Variants in H3-7 observed in about 807,000 individuals in gnomAD.
H3-7 encodes the protein histone H3-7.
the H3-7 span, chr1:143,905,741 C>T: frequency 1.5e-5 from 23 of 1,581,702 alleles, 2 homozygotes; most frequent in Non-Finnish European, 2.0e-5. Flanking sequence ...AACTCCTGCG[C>T]GATCTCGCGT....
chr1:143,902,397 A>G, the H3-7 span, among the ~76,000 whole-genome samples: 1 of 147,232 alleles, frequency 6.8e-6, no homozygotes, highest in African/African-American at 2.5e-5. Context: ...CACATTTTAT[A>G]TCTTTTAATT....
At chr1:143,905,718 C>G in the H3-7 span, 3 of 1,582,362 alleles carry the variant, frequency 1.9e-6, 1 homozygote, top group African/African-American at 2.7e-5. Context: ...TCTGGAAGCG[C>G]AGGTCCGTCT....
chr1:143,905,909 G>T, the H3-7 span: 2 of 1,580,100 alleles, frequency 1.3e-6, no homozygotes, highest in South Asian at 2.3e-5. Flanking sequence ...GTAGCCAGCT[G>T]CTTCCTCGGG....
At chr1:143,904,289 G>A in the H3-7 span, 3 of 1,585,812 alleles carry the variant, frequency 1.9e-6, no homozygotes, top group Admixed American at 1.7e-5. Flanking sequence ...TGGCCAGCTC[G>A]CCGGGCAGCA....
chr1:143,904,329 G>A, the H3-7 span: 1 of 1,582,610 alleles, frequency 6.3e-7, no homozygotes, highest in Non-Finnish European at 8.7e-7. Flanking sequence ...GATCTCGCGG[G>A]ACGTGATGGT....
the H3-7 span, among the ~76,000 whole-genome samples, chr1:143,903,185 C>A: frequency 7.4e-6 from 1 of 134,802 alleles, no homozygotes; most frequent in Non-Finnish European, 1.6e-5. Context: ...GAGCGAGACT[C>A]CGTCTCAAAA....
At chr1:143,904,215 GCA>G in the H3-7 span, 1 of 1,545,028 alleles carries the variant, frequency 6.5e-7, no homozygotes, top group Non-Finnish European at 8.9e-7. Context: ...TGCGTCCCTT[GCA>G]CACTCTTACT....
the H3-7 span, chr1:143,904,216 C>A: frequency 6.5e-7 from 1 of 1,549,056 alleles, no homozygotes; most frequent in Admixed American, 1.7e-5. Context: ...GCGTCCCTTG[C>A]ACACTCTTAC....
chr1:143,905,672 C>T, the H3-7 span: 3 of 1,582,984 alleles, frequency 1.9e-6, no homozygotes, highest in African/African-American at 2.7e-5. Flanking sequence ...ACCAGGTAGG[C>T]CTCTCTGGCC....
the H3-7 span, chr1:143,904,367 G>T: frequency 2.5e-5 from 40 of 1,582,632 alleles, 6 homozygotes; most frequent in Non-Finnish European, 2.9e-5. Context: ...GCGCCAGGCG[G>T]GACGCCTCTC....
the H3-7 span, among the ~76,000 whole-genome samples, chr1:143,902,512 G>A: frequency 2.2e-5 from 3 of 139,184 alleles, 1 homozygote; most frequent in Non-Finnish European, 4.8e-5. Context: ...AATTTCAAAG[G>A]CTGTCAAGTT....
At chr1:143,905,604 C>A in the H3-7 span, 1 of 1,582,390 alleles carries the variant, frequency 6.3e-7, no homozygotes, top group East Asian at 2.3e-5. Context: ...TGTCCTTGGG[C>A]ATGATGGTCA....
At chr1:143,903,942 A>C in the H3-7 span, among the ~76,000 whole-genome samples, 1 of 146,762 alleles carries the variant, frequency 6.8e-6, no homozygotes, top group Non-Finnish European at 1.5e-5. Flanking sequence ...TCCCTCCCAA[A>C]TATCCCAGAA....
chr1:143,904,697 A>G, the H3-7 span: 4 of 1,371,186 alleles, frequency 2.9e-6, no homozygotes, highest in Admixed American at 7.5e-5. Flanking sequence ...CCTGTATGCA[A>G]ATGAAGACTC....
chr1:143,903,109 G>A, the H3-7 span, among the ~76,000 whole-genome samples: 6 of 140,020 alleles, frequency 4.3e-5, 1 homozygote, highest in Admixed American at 2.2e-4. Flanking sequence ...GGAGAATGGC[G>A]TGAACCCGGG....
the H3-7 span, chr1:143,905,975 A>T: frequency 1.3e-6 from 2 of 1,578,580 alleles, 1 homozygote; most frequent in South Asian, 2.3e-5. Context: ...ATGCTGTCTC[A>T]TTGATACGAG....
the H3-7 span, chr1:143,904,429 T>C: frequency 1.9e-4 from 296 of 1,575,068 alleles, 43 homozygotes; most frequent in East Asian, 5.3e-3. Flanking sequence ...ATGCCCATGG[T>C]CTTGGACGAG....
chr1:143,903,122 G>A, the H3-7 span, among the ~76,000 whole-genome samples: 12 of 140,866 alleles, frequency 8.5e-5, no homozygotes, highest in South Asian at 1.4e-3. Flanking sequence ...AACCCGGGAG[G>A]CGGAGCTTGC....
chr1:143,904,292 G>C, the H3-7 span: 3 of 1,585,458 alleles, frequency 1.9e-6, no homozygotes, highest in African/African-American at 4.0e-5. Context: ...CCAGCTCGCC[G>C]GGCAGCAGCA....
Sources: gnomAD v4.1 joint callset for allele counts (sites outside exome capture counted in the v4.1 genomes callset) on GRCh38, gnomAD v4.1.1 for gene constraint, MANE v1.5 for transcripts, NCBI Gene and HGNC (gene_info 2026-07-23, HGNC 2026-07-21) for gene names.